Variants in TTC28 observed in about 807,000 individuals in gnomAD.
TTC28 encodes the protein tetratricopeptide repeat domain 28.
A neutral mutation model predicts 198.0 loss-of-function variants in TTC28; 61 were observed. The ratio of observed to expected loss-of-function variants is 0.31; its 90% confidence interval spans 0.25 to 0.38. The LOEUF is 0.38. Among genes scored for constraint, TTC28 ranks in the 10% least tolerant of loss-of-function variants. The probability of loss-of-function intolerance (pLI) is 1.00; values close to 1 mark genes in which losing one functional copy is unlikely to be tolerated. For synonymous variants in TTC28, 1,171 were observed against 1,297.8 expected, an observed-to-expected ratio of 0.90 and a Z score of 2.10; for missense variants, 2,678 against 3,164.0, an observed-to-expected ratio of 0.85 and a Z score of 3.69.
rs1189982307 is a variant in TTC28, at chr22:27,982,197, G to C, written c.*24C>G. 3 of 1,458,830 alleles carry C rather than the reference G, an allele frequency of 2.1e-6. No individual in the cohort carries two copies. Among genetic ancestry groups the C allele is most frequent in the Non-Finnish European group, 2.7e-6 (3 of 1,104,766 alleles). The allele number at this position is 1,458,830 out of a possible 1,614,324, so 90.4% of individuals were successfully genotyped here. Reference sequence around the variant, plus strand: ...CAGGCCCCCATCTGCAGGCTGCTCAGAGTCAGTGGGTATAAAAGATGCTTT... The same window carrying C: ...CAGGCCCCCATCTGCAGGCTGCTCACAGTCAGTGGGTATAAAAGATGCTTT... On this transcript the variant is annotated 3_prime_UTR_variant, in exon 23 of 23. Transcript: ENST00000397906. The surrounding 1 kb of genome is among the most constrained non-coding windows in gnomAD (Gnocchi z 5.2).
chr22:28,384,280 G>T (rs1366022725), intron 2 of TTC28, among the ~76,000 whole-genome samples: 2 of 152,006 alleles, frequency 1.3e-5, no homozygotes, highest in Non-Finnish European at 2.9e-5. Context: ...TAGAGACAAG[G>T]TCTCATTATG....
chr22:28,627,325 T>C (rs1313771293), intron 2 of TTC28, among the ~76,000 whole-genome samples: 2 of 152,308 alleles, frequency 1.3e-5, no homozygotes, highest in East Asian at 3.9e-4. Context: ...GTTAAGAGAT[T>C]ACTCAAAACC....
chr22:28,128,543 T>A (rs1942974176), intron 6 of TTC28, among the ~76,000 whole-genome samples: 1 of 152,088 alleles, frequency 6.6e-6, no homozygotes, highest in African/African-American at 2.4e-5. Flanking sequence ...CTTATTTTTT[T>A]ATTTTTGTTT....
chr22:28,039,123 G>C (rs1484361459), intron 12 of TTC28, among the ~76,000 whole-genome samples: 1 of 152,078 alleles, frequency 6.6e-6, no homozygotes, highest in Non-Finnish European at 1.5e-5. Context: ...GATTCCTCAG[G>C]GTTCTAGAAC....
chr22:28,641,101 G>A (rs1012007350), intron 1 of TTC28, among the ~76,000 whole-genome samples: 2 of 152,124 alleles, frequency 1.3e-5, no homozygotes, highest in Admixed American at 6.6e-5. Context: ...CGAGGTAGGT[G>A]GATCACGAGG....
chr22:28,017,849 C>T (rs1393140519), intron 13 of TTC28, among the ~76,000 whole-genome samples: 3 of 152,130 alleles, frequency 2.0e-5, no homozygotes, highest in Non-Finnish European at 2.9e-5. Context: ...CCAGGGCTAA[C>T]ACAGTGCAGA....
chr22:28,563,907 G>A (rs539307502), intron 2 of TTC28, among the ~76,000 whole-genome samples: 31 of 152,042 alleles, frequency 2.0e-4, no homozygotes, highest in African/African-American at 2.7e-4. Flanking sequence ...GTCCATTAAC[G>A]AATGAATGGA....
At chr22:28,165,851 G>A (rs1367266450) in intron 5 of TTC28, among the ~76,000 whole-genome samples, 4 of 152,246 alleles carry the variant, frequency 2.6e-5, no homozygotes, top group Middle Eastern at 3.4e-3. Flanking sequence ...ATGTAAATGG[G>A]CTAAATGCTC....
chr22:28,434,150 C>A (rs2047479205), intron 2 of TTC28, among the ~76,000 whole-genome samples: 1 of 151,920 alleles, frequency 6.6e-6, no homozygotes, highest in South Asian at 2.1e-4. Flanking sequence ...AAAAACCATA[C>A]AAAGAAGACA....
intron 2 of TTC28, among the ~76,000 whole-genome samples, chr22:28,584,803 TTC>T (rs1351682187): frequency 6.6e-6 from 1 of 152,212 alleles, no homozygotes; most frequent in Non-Finnish European, 1.5e-5. Flanking sequence ...TTAGAAAGCT[TTC>T]TCTGTCTGCT....
At chr22:28,575,849 T>C (rs1292708872) in intron 2 of TTC28, among the ~76,000 whole-genome samples, 1 of 152,162 alleles carries the variant, frequency 6.6e-6, no homozygotes, top group African/African-American at 2.4e-5. Flanking sequence ...TTTGTATGTT[T>C]ATTTTGTATC....
At chr22:28,183,047 T>C (rs888486898) in intron 5 of TTC28, among the ~76,000 whole-genome samples, 1 of 147,772 alleles carries the variant, frequency 6.8e-6, no homozygotes, top group Non-Finnish European at 1.5e-5. Context: ...ACCCCTTCAA[T>C]GTCTTTTTTT....
intron 21 of TTC28, 48 bp downstream of exon 21, chr22:27,989,830 A>AAAAG (rs1463111543): frequency 6.6e-7 from 1 of 1,525,700 alleles, no homozygotes; most frequent in Non-Finnish European, 8.9e-7. Context: ...ACAGAGATTT[A>AAAAG]AAAGATGGAA....
rs1330823392 is a variant in TTC28 at position 28,591,022 on chromosome 22, CACACACACACACACACACATATATAT to C, written c.381+38504_381+38529del. On this transcript the variant is annotated intron_variant, in intron 2 of 22. Coordinates refer to ENST00000397906, the MANE Select transcript of TTC28 (RefSeq NM_001145418.2). Reference sequence around the variant, plus strand: ...ACTCTGCCTCAAACACACACACACACACACACACACACACACACATATATATATATATATATATATATATATATATA... The same window carrying C: ...ACTCTGCCTCAAACACACACACACACATATATATATATATATATATATATA... 1.9e-4 allele frequency among the ~76,000 whole-genome samples: 13 copies of C among 70,120 alleles called. No homozygotes were observed. The East Asian group carries it at 2.1e-3, about 11-fold the overall frequency. The allele number at this position is 70,120 out of a possible 152,430, so 46.0% of individuals were successfully genotyped here. A position where few individuals can be genotyped will look rare whatever the true frequency, so the allele number is the denominator to read the frequency against.
intron 5 of TTC28, among the ~76,000 whole-genome samples, chr22:28,196,655 A>C (rs1195375775): frequency 6.6e-6 from 1 of 152,234 alleles, no homozygotes; most frequent in African/African-American, 2.4e-5. Flanking sequence ...TCTCAAAAGA[A>C]GACATTTATG....
chr22:28,166,673 G>C (rs559694828), intron 5 of TTC28, among the ~76,000 whole-genome samples: 4 of 152,212 alleles, frequency 2.6e-5, no homozygotes, highest in Non-Finnish European at 4.4e-5. Context: ...ATTTAAAGCA[G>C]TGTGAAGAGG....
intron 2 of TTC28, among the ~76,000 whole-genome samples, chr22:28,537,648 A>G (rs1173453777): frequency 6.6e-6 from 1 of 152,230 alleles, no homozygotes; most frequent in African/African-American, 2.4e-5. Context: ...GTACATGTTT[A>G]CAAAAATAGC....
chr22:28,228,290 T>C (rs940647903), intron 5 of TTC28, among the ~76,000 whole-genome samples: 1 of 152,138 alleles, frequency 6.6e-6, no homozygotes, highest in African/African-American at 2.4e-5. Context: ...AGATGGATGG[T>C]GGTAGTAGTT....
intron 2 of TTC28, among the ~76,000 whole-genome samples, chr22:28,439,752 A>C (rs1311936937): frequency 2.0e-5 from 3 of 152,218 alleles, no homozygotes; most frequent in Non-Finnish European, 4.4e-5. Context: ...TGCCATTCTT[A>C]CCATGACAAG....
Sources: gnomAD v4.1 joint callset for allele counts (sites outside exome capture counted in the v4.1 genomes callset) on GRCh38, gnomAD v4.1.1 for gene constraint, Gnocchi (gnomAD v3.1) non-coding constraint, MANE v1.5 for transcripts, NCBI Gene and HGNC (gene_info 2026-07-23, HGNC 2026-07-21) for gene names.